The following GALNT16 variants were observed in gnomAD, a reference collection of about 807,000 sequenced individuals.
GALNT16 encodes the protein polypeptide N-acetylgalactosaminyltransferase 16, also known as UDP-GalNAc:polypeptide N-acetylgalactosaminyltransferase-like protein 1.
GALNT16 carries 40 observed loss-of-function variants against 76.1 expected under a neutral mutation model. That is an observed-to-expected ratio of 0.53 (90% CI 0.41 to 0.68). The LOEUF (loss-of-function observed/expected upper bound fraction) is 0.68, where lower values mean the gene tolerates loss of function less well. Ranked by LOEUF, GALNT16 falls within the 30% of genes least tolerant of loss-of-function variation. GALNT16 has a pLI of 0.00. For missense variants in GALNT16, 621 were observed against 731.9 expected (o/e 0.85, Z 1.75); for synonymous variants, 276 against 285.2 (o/e 0.97, Z 0.32).
downstream of GALNT16, among the ~76,000 whole-genome samples, chr14:69,361,918 A>G (rs570219134): frequency 6.6e-6 from 1 of 152,302 alleles, no homozygotes; most frequent in African/African-American, 2.4e-5. Context: ...GAGGCAGGAA[A>G]AATGCTTGAA....
rs796074310 is a variant in GALNT16, at chr14:69,296,025, A to G, written c.178-24686A>G. ...ATACCTGACATTAGGTAATATATAA[A>G]GAAAAGAGGTTTCACTGACTCTCGG... On this transcript the variant is annotated intron_variant, in intron 1 of 14. Coordinates refer to ENST00000448469, the MANE Select transcript of GALNT16 (RefSeq NM_001168368.2). Among the ~76,000 whole-genome samples, 22 of 152,310 alleles carry G rather than the reference A, an allele frequency of 1.4e-4. 2 individuals are homozygous for G. Among genetic ancestry groups the G allele is most frequent in the African/African-American group, 5.1e-4 (21 of 41,560 alleles).
At chr14:69,332,036 A>G (rs1419640946) in intron 7 of GALNT16, among the ~76,000 whole-genome samples, 1 of 152,224 alleles carries the variant, frequency 6.6e-6, no homozygotes, top group East Asian at 1.9e-4. Context: ...ACTAGTCTTG[A>G]AAAGTGACTA....
chr14:69,347,055 A>T lies in GALNT16; in HGVS notation c.1287A>T (p.Glu429Asp), dbSNP rs2045574435. ...VYPELTVPVK[E>D]ALPGIIKQGV... is the part of the protein sequence containing the mutation. The stretch of plus-strand genomic sequence containing the variant: ...TTTCTCTCAGGGTCCCCGTGAAGGA[A>T]GCACTCCCCGGCATCATTAAGCAGG... The change falls in exon 13 of 15, where the codon GAA becomes GAT. Residue 429 changes from glutamate to aspartate, a missense_variant. Physicochemically the swap from Glu to Asp is conservative, Grantham distance 45. Coordinates refer to ENST00000448469, the MANE Select transcript of GALNT16 (RefSeq NM_001168368.2). 1.2e-6 allele frequency: 2 copies of T among 1,614,102 alleles called. No homozygotes were observed. The highest frequency in any genetic ancestry group is 1.7e-6 in the Non-Finnish European group (2 of 1,179,970).
At chr14:69,380,485 G>T in the GALNT16 span, 1 of 1,021,848 alleles carries the variant, frequency 9.8e-7, no homozygotes, top group Non-Finnish European at 1.6e-6. Flanking sequence ...ACAGCACGCT[G>T]TACACACCTG....
At chr14:69,273,467 G>A (rs952343506) in intron 1 of GALNT16, among the ~76,000 whole-genome samples, 7 of 152,190 alleles carry the variant, frequency 4.6e-5, no homozygotes, top group African/African-American at 9.7e-5. Context: ...GGCTATGATC[G>A]ATTAGCCATG....
chr14:69,270,772 G>A (rs2044398003), intron 1 of GALNT16, among the ~76,000 whole-genome samples: 1 of 152,206 alleles, frequency 6.6e-6, no homozygotes, highest in South Asian at 2.1e-4. Flanking sequence ...ATAGGGAGAT[G>A]CGGGGCATGT....
chr14:69,372,607 T>C, the GALNT16 span, among the ~76,000 whole-genome samples: 5 of 151,112 alleles, frequency 3.3e-5, no homozygotes, highest in African/African-American at 1.2e-4. Context: ...GAGATTCTTC[T>C]GCCTCAGCCT....
At position 69,331,455 on chromosome 14, in the gene GALNT16, C is replaced by T; in HGVS notation, c.691-9C>T. On this transcript the variant is annotated splice_polypyrimidine_tract_variant and intron_variant, in intron 6 of 14. Coordinates refer to ENST00000448469, the MANE Select transcript of GALNT16 (RefSeq NM_001168368.2). The stretch of plus-strand genomic sequence containing the variant: ...CCAGGCCTCACACCATCTCACATCT[C>T]TCTCCTAGGACCACACCCGCGTGGT... 1 of 1,548,112 alleles carries T rather than the reference C, an allele frequency of 6.5e-7. No homozygotes were observed. The highest frequency in any genetic ancestry group is 8.9e-7 in the Non-Finnish European group (1 of 1,120,038).
chr14:69,324,689 C>T lies in GALNT16; in HGVS notation c.336-3C>T, dbSNP rs2140169267. On this transcript the variant is annotated splice_polypyrimidine_tract_variant and splice_region_variant and intron_variant, in intron 2 of 14. Transcript: ENST00000448469. ...GGCTCTGACCTCTGTGCTCCCTTCT[C>T]AGCTGCCCATCTGTGTCCTACTCCT... is the stretch of plus-strand genomic sequence containing the variant. The T allele has an allele frequency of 6.3e-7, 1 of 1,593,666 alleles. No individual in the cohort carries two copies. The highest frequency in any genetic ancestry group is 8.6e-7 in the Non-Finnish European group (1 of 1,165,258).
chr14:69,320,846 A>C lies in GALNT16; in HGVS notation c.313A>C (p.Ile105Leu). Reference sequence around the variant, plus strand: ...TGACAAGCTGAGCCCAGACCGGCCCATCCGGGACACCCGCCATTACAGGTA... The same window carrying C: ...TGACAAGCTGAGCCCAGACCGGCCCCTCCGGGACACCCGCCATTACAGGTA... ...ESDKLSPDRP[I>L]RDTRHYSCPS... The change falls in exon 2 of 15, where the codon ATC becomes CTC. Residue 105 changes from isoleucine (I) to leucine (L), a missense_variant. Transcript: ENST00000448469. 6.2e-7 allele frequency: 1 copy of C among 1,612,724 alleles called. No individual in the cohort carries two copies. The highest frequency in any genetic ancestry group is 1.1e-5 in the South Asian group (1 of 91,018).
chr14:69,358,894 G>A (rs1439300927), downstream of GALNT16: 1 of 152,378 alleles, frequency 6.6e-6, no homozygotes, highest in Non-Finnish European at 1.5e-5. Context: ...AGTGACCTGA[G>A]TCGTGTAGTG....
rs1331191426 is a variant in GALNT16, at chr14:69,324,790, G to A, written c.434G>A (p.Ser145Asn). The change falls in exon 3 of 15, where the codon AGT (serine) becomes AAT (asparagine). Residue 145 changes from serine to asparagine, a missense_variant and splice_region_variant. Physicochemically the swap from Ser to Asn is conservative, Grantham distance 46. Transcript: ENST00000448469. ...ARSTLLRTVK[S>N]VLNRTPANLI... Reference sequence around the variant, plus strand: ...TCCACCCTGCTGCGCACAGTGAAGAGGTAAGTCCAGCCATGGGACTCTCAT... The same window carrying A: ...TCCACCCTGCTGCGCACAGTGAAGAAGTAAGTCCAGCCATGGGACTCTCAT... 1 of 1,592,678 alleles carries A rather than the reference G, an allele frequency of 6.3e-7. No homozygotes were observed. Among genetic ancestry groups the A allele is most frequent in the African/African-American group, 1.3e-5 (1 of 74,294 alleles).
intron 1 of GALNT16, among the ~76,000 whole-genome samples, chr14:69,289,794 T>C (rs911259867): frequency 1.3e-5 from 2 of 152,172 alleles, no homozygotes; most frequent in African/African-American, 2.4e-5. Context: ...GCTGGAGTGC[T>C]GTGGCGCGGT....
At chr14:69,276,046 A>T (rs575198530) in intron 1 of GALNT16, among the ~76,000 whole-genome samples, 1 of 152,208 alleles carries the variant, frequency 6.6e-6, no homozygotes. Flanking sequence ...AAGCCATCAG[A>T]TCTCGTGAGA....
At chr14:69,301,834 C>CA (rs1440342573) in intron 1 of GALNT16, among the ~76,000 whole-genome samples, 1 of 151,998 alleles carries the variant, frequency 6.6e-6, no homozygotes, top group Non-Finnish European at 1.5e-5. Context: ...CCAAAAAGTA[C>CA]AAAAAATTAG....
At chr14:69,281,120 A>T (rs2044535575) in intron 1 of GALNT16, among the ~76,000 whole-genome samples, 2 of 151,868 alleles carry the variant, frequency 1.3e-5, no homozygotes, top group African/African-American at 4.8e-5. Context: ...CAGTGGACAG[A>T]GTCCGCGATC....
At chr14:69,342,098 G>C (rs1014656186) in intron 12 of GALNT16, among the ~76,000 whole-genome samples, 1 of 152,062 alleles carries the variant, frequency 6.6e-6, no homozygotes, top group Non-Finnish European at 1.5e-5. Context: ...TTATCCTAAG[G>C]AAATAAAGCA....
chr14:69,326,473 C>T (rs913171329), intron 5 of GALNT16, among the ~76,000 whole-genome samples: 6 of 152,214 alleles, frequency 3.9e-5, no homozygotes, highest in South Asian at 2.1e-4. Flanking sequence ...TCCCTGCCCT[C>T]GGAGAGCTAC....
the GALNT16 span, among the ~76,000 whole-genome samples, chr14:69,364,998 G>A: frequency 2.6e-5 from 4 of 152,198 alleles, no homozygotes; most frequent in Admixed American, 2.0e-4. The surrounding 1 kb of genome is among the most constrained non-coding windows in gnomAD (Gnocchi z 4.2). Flanking sequence ...GTCTCTCAAA[G>A]TCACACAGCT....
Sources: gnomAD v4.1 joint callset for allele counts (sites outside exome capture counted in the v4.1 genomes callset) on GRCh38, gnomAD v4.1.1 for gene constraint, Gnocchi (gnomAD v3.1) non-coding constraint, MANE v1.5 for transcripts, NCBI Gene and HGNC (gene_info 2026-07-23, HGNC 2026-07-21) for gene names.